Variants in PCDH15 observed in about 807,000 individuals in gnomAD.
PCDH15 encodes protocadherin related 15.
In PCDH15, 129 loss-of-function variants were observed where a neutral mutation model predicts 178.5. The ratio of observed to expected loss-of-function variants is 0.72; its 90% CI spans 0.63 to 0.84. The LOEUF is 0.84. Ranked by LOEUF, PCDH15 falls within the 40% of genes least tolerant of loss-of-function variation. The pLI is 0.00. For synonymous variants in PCDH15, 800 were observed against 732.0 expected, an observed-to-expected ratio of 1.09 and a Z score of -1.50; for missense variants, 2,230 against 2,099.9, an observed-to-expected ratio of 1.06 and a Z score of -1.21.
intron 2 of PCDH15, among the ~76,000 whole-genome samples, chr10:55,566,605 C>T (rs1249055774): frequency 6.6e-6 from 1 of 151,532 alleles, no homozygotes; most frequent in Non-Finnish European, 1.5e-5. Context: ...TAAATTAAGT[C>T]ACCACATAAA....
rs374496881 is a variant in PCDH15 at position 55,501,983 on chromosome 10, G to A, written c.-156+125642C>T. ...TATTTAAAAATGTTTTTTTTCTTAT[G>A]TAATTTCTTTACATCCTTCCCACTT... On this transcript the variant is annotated intron_variant, in intron 2 of 5. Coordinates refer to the PCDH15 transcript ENST00000613346. 7.9e-5 allele frequency among the ~76,000 whole-genome samples: 12 copies of A among 151,454 alleles called. No individual in the cohort carries two copies. The East Asian group carries it at 1.4e-3, about 17-fold the overall frequency.
chr10:54,813,221 T>A (rs1371181969), intron 3 of PCDH15, among the ~76,000 whole-genome samples: 1 of 152,184 alleles, frequency 6.6e-6, no homozygotes. Context: ...CTTTTCTCAA[T>A]ACATTCAACC....
intron 2 of PCDH15, among the ~76,000 whole-genome samples, chr10:54,533,773 T>G (rs141546682): frequency 6.6e-6 from 1 of 152,174 alleles, no homozygotes; most frequent in South Asian, 2.1e-4. Flanking sequence ...TTAGGAAATA[T>G]CTTCCTCTAT....
At chr10:54,298,574 G>T (rs995946967) in intron 8 of PCDH15, among the ~76,000 whole-genome samples, 13 of 152,216 alleles carry the variant, frequency 8.5e-5, no homozygotes, top group African/African-American at 3.1e-4. Context: ...CATGTCCACT[G>T]TGCAGAGGCA....
chr10:54,466,259 A>T (rs1441550514), intron 3 of PCDH15, among the ~76,000 whole-genome samples: 1 of 151,920 alleles, frequency 6.6e-6, no homozygotes, highest in Non-Finnish European at 1.5e-5. Context: ...TGCCTAGATC[A>T]ATGTCCTGAA....
intron 10 of PCDH15, among the ~76,000 whole-genome samples, chr10:54,209,942 C>T (rs1011819734): frequency 6.6e-6 from 1 of 152,108 alleles, no homozygotes; most frequent in African/African-American, 2.4e-5. Flanking sequence ...TCTTAGCCCT[C>T]AATCATTTCT....
At chr10:53,970,256 A>G (rs2134424457) in intron 21 of PCDH15, among the ~76,000 whole-genome samples, 1 of 152,314 alleles carries the variant, frequency 6.6e-6, no homozygotes, top group African/African-American at 2.4e-5. Flanking sequence ...ATCAGAAGAG[A>G]CAAAGAAGGC....
At chr10:54,440,349 T>C (rs1159991645) in intron 3 of PCDH15, among the ~76,000 whole-genome samples, 3 of 151,950 alleles carry the variant, frequency 2.0e-5, no homozygotes, top group Admixed American at 6.6e-5. Flanking sequence ...TCCTCAAAAA[T>C]TGCCAGCTAG....
intron 23 of PCDH15, among the ~76,000 whole-genome samples, chr10:53,945,843 A>G (rs1289796123): frequency 1.7e-3 from 20 of 12,112 alleles, no homozygotes; most frequent in African/African-American, 7.5e-3. Flanking sequence ...CATTGTATAT[A>G]TATATATATA....
intron 2 of PCDH15, among the ~76,000 whole-genome samples, chr10:54,974,361 A>G (rs1320093162): frequency 2.0e-5 from 3 of 152,058 alleles, no homozygotes; most frequent in Non-Finnish European, 4.4e-5. Flanking sequence ...TGATATATGT[A>G]TGCATATAAT....
rs192484989 is a variant in PCDH15, at chr10:55,066,525, G to T, written c.-80+100051C>A. On this transcript the variant is annotated intron_variant, in intron 2 of 5. Coordinates refer to the PCDH15 transcript ENST00000458638. Reference sequence around the variant, plus strand: ...TTTTAAGTTTTCACAAATTACATGAGGCTTTTATTTTATTTTATTAATTTA... The same window carrying T: ...TTTTAAGTTTTCACAAATTACATGATGCTTTTATTTTATTTTATTAATTTA... Among the ~76,000 whole-genome samples, 207 of 147,602 alleles carry T rather than the reference G, an allele frequency of 1.4e-3. 1 individual carries two copies. Among genetic ancestry groups the T allele is most frequent in the African/African-American group, 4.9e-3 (198 of 40,552 alleles).
chr10:54,151,117 A>AT (rs561446197), intron 14 of PCDH15, among the ~76,000 whole-genome samples: 1,806 of 152,232 alleles, frequency 0.012, 29 homozygotes, highest in African/African-American at 0.034. Flanking sequence ...ATAGATGAGT[A>AT]TTTTTTTAAC....
At chr10:54,242,122 TTCTATTTTTATATATATATA>T (rs2055373058) in intron 8 of PCDH15, among the ~76,000 whole-genome samples, 1 of 93,388 alleles carries the variant, frequency 1.1e-5, no homozygotes, top group African/African-American at 4.4e-5. Flanking sequence ...TTGGTCTGAA[TTCTATTTTTATATATATATA>T]TATATATATA....
At chr10:54,883,135 G>A (rs190006852) in intron 3 of PCDH15, among the ~76,000 whole-genome samples, 2 of 151,992 alleles carry the variant, frequency 1.3e-5, no homozygotes. Context: ...CTTCCTATAT[G>A]TAATCATCCA....
chr10:55,505,543 T>C (rs916482582), intron 2 of PCDH15, among the ~76,000 whole-genome samples: 1 of 151,332 alleles, frequency 6.6e-6, no homozygotes, highest in Non-Finnish European at 1.5e-5. Flanking sequence ...TTCACAATGA[T>C]AGACAATATA....
At chr10:55,590,228 C>T (rs1056570182) in intron 2 of PCDH15, among the ~76,000 whole-genome samples, 1 of 150,318 alleles carries the variant, frequency 6.7e-6, no homozygotes, top group Non-Finnish European at 1.5e-5. Context: ...AAACCAAACA[C>T]CGCATGTTCT....
intron 18 of PCDH15, among the ~76,000 whole-genome samples, chr10:54,027,770 C>CACCTTATACA (rs1466151215): frequency 6.9e-6 from 1 of 143,968 alleles, no homozygotes; most frequent in Non-Finnish European, 1.5e-5. Flanking sequence ...CCCTTCCTTA[C>CACCTTATACA]ACCTTATACA....
At chr10:54,441,733 T>A (rs2075800952) in intron 3 of PCDH15, among the ~76,000 whole-genome samples, 2 of 151,886 alleles carry the variant, frequency 1.3e-5, no homozygotes, top group South Asian at 2.1e-4. Flanking sequence ...AACGTGTATT[T>A]ATTGACTTCC....
At chr10:54,048,549 T>A (rs936886080) in intron 18 of PCDH15, among the ~76,000 whole-genome samples, 1 of 152,206 alleles carries the variant, frequency 6.6e-6, no homozygotes, top group African/African-American at 2.4e-5. Context: ...CATAAGTGAT[T>A]AGTGCATCTT....
Sources: gnomAD v4.1 joint callset for allele counts (sites outside exome capture counted in the v4.1 genomes callset) on GRCh38, gnomAD v4.1.1 for gene constraint, MANE v1.5 for transcripts, NCBI Gene and HGNC (gene_info 2026-07-23, HGNC 2026-07-21) for gene names.